MEIS1: variants seen among roughly 807,000 people sequenced by gnomAD.
MEIS1 encodes Meis homeobox 1.
A neutral mutation model predicts 50.8 loss-of-function variants in MEIS1; 5 were observed. The observed-to-expected ratio is 0.10, with a 90% confidence interval of 0.05 to 0.21. The LOEUF is 0.21. Among genes scored for constraint, MEIS1 ranks in the 10% least tolerant of loss-of-function variants. MEIS1 has a pLI of 1.00. For synonymous variants in MEIS1, 176 were observed against 179.3 expected (o/e 0.98, Z 0.15); for missense variants, 318 against 517.3 (o/e 0.61, Z 3.74).
At chr2:66,463,843 GA>G (rs1323727384) in intron 6 of MEIS1, among the ~76,000 whole-genome samples, 1 of 152,170 alleles carries the variant, frequency 6.6e-6, no homozygotes, top group African/African-American at 2.4e-5. Flanking sequence ...TCTTTGCCTG[GA>G]ATGTTTTTGT....
intron 8 of MEIS1, among the ~76,000 whole-genome samples, chr2:66,531,454 G>T (rs1054297014): frequency 6.6e-6 from 1 of 152,134 alleles, no homozygotes; most frequent in Non-Finnish European, 1.5e-5. Context: ...TAAATAAAGG[G>T]CTCAGTAGTC....
chr2:66,541,797 G>A (rs1674658966), intron 8 of MEIS1, among the ~76,000 whole-genome samples: 2 of 152,214 alleles, frequency 1.3e-5, no homozygotes, highest in Non-Finnish European at 1.5e-5. Flanking sequence ...GTGCGAGGAT[G>A]CAGGACTCAA....
chr2:66,507,043 GA>G (rs1558543157), intron 7 of MEIS1, among the ~76,000 whole-genome samples: 1 of 152,086 alleles, frequency 6.6e-6, no homozygotes, highest in Non-Finnish European at 1.5e-5. Context: ...ACATGCAAGA[GA>G]AAAAAGAAAC....
At chr2:66,459,015 T>C (rs578129035) in intron 6 of MEIS1, among the ~76,000 whole-genome samples, 1 of 152,256 alleles carries the variant, frequency 6.6e-6, no homozygotes, top group Admixed American at 6.5e-5. Flanking sequence ...TAGTGTAGAA[T>C]TGTAGACAGG....
chr2:66,486,366 A>G (rs1673143073), intron 7 of MEIS1, among the ~76,000 whole-genome samples: 1 of 152,148 alleles, frequency 6.6e-6, no homozygotes, highest in Admixed American at 6.5e-5. Flanking sequence ...TTCTTTCCCC[A>G]CTGCTTGTTT....
intron 8 of MEIS1, among the ~76,000 whole-genome samples, chr2:66,527,158 T>C: frequency 6.6e-6 from 1 of 152,340 alleles, no homozygotes; most frequent in Non-Finnish European, 1.5e-5. Flanking sequence ...TAAAAGATTA[T>C]TAATTGTTAT....
chr2:66,571,469 A>C lies in MEIS1; in HGVS notation c.*261A>C. The stretch of plus-strand genomic sequence containing the variant: ...TGCCAATGTCAGCATCAAGCCCCAC[A>C]GTTCTTAATACAGGAGACCCAACAA... On this transcript the variant is annotated 3_prime_UTR_variant, in exon 13 of 13. Transcript: ENST00000272369. 1 of 1,598,190 alleles carries C rather than the reference A, an allele frequency of 6.3e-7. No individual in the cohort carries two copies. The highest frequency in any genetic ancestry group is 8.5e-7 in the Non-Finnish European group (1 of 1,172,534).
At chr2:66,484,065 A>C (rs1224704420) in intron 7 of MEIS1, among the ~76,000 whole-genome samples, 1 of 152,232 alleles carries the variant, frequency 6.6e-6, no homozygotes, top group East Asian at 1.9e-4. Flanking sequence ...CAAGTATTCC[A>C]GATATCTTGA....
At chr2:66,545,054 G>GA (rs1389750800) in intron 8 of MEIS1, among the ~76,000 whole-genome samples, 1 of 152,052 alleles carries the variant, frequency 6.6e-6, no homozygotes, top group Admixed American at 6.6e-5. Flanking sequence ...GAAAATACAG[G>GA]AAAATAAATT....
chr2:66,556,603 A>G (rs1009358640), intron 9 of MEIS1, among the ~76,000 whole-genome samples: 1 of 151,726 alleles, frequency 6.6e-6, no homozygotes, highest in African/African-American at 2.4e-5. Flanking sequence ...TTACTCTAGG[A>G]TGCTAACTAA....
intron 7 of MEIS1, among the ~76,000 whole-genome samples, chr2:66,501,827 A>G (rs757952350): frequency 6.6e-5 from 10 of 152,172 alleles, no homozygotes; most frequent in Admixed American, 1.3e-4. Context: ...AAAGTCTGCT[A>G]TCTTCCTTTA....
intron 1 of MEIS1, among the ~76,000 whole-genome samples, chr2:66,436,738 T>C (rs901723466): frequency 4.6e-5 from 7 of 152,220 alleles, no homozygotes; most frequent in African/African-American, 1.4e-4. Context: ...TGGCAATTCC[T>C]CCTTTCTTTG....
At chr2:66,526,151 T>C (rs1674246002) in intron 8 of MEIS1, among the ~76,000 whole-genome samples, 1 of 152,230 alleles carries the variant, frequency 6.6e-6, no homozygotes, top group Non-Finnish European at 1.5e-5. Context: ...CTGAAAAGTA[T>C]ATTTCCTCCA....
intron 8 of MEIS1, among the ~76,000 whole-genome samples, chr2:66,518,014 C>G (rs1674011505): frequency 1.3e-5 from 2 of 152,196 alleles, no homozygotes; most frequent in African/African-American, 4.8e-5. Context: ...CATTGTTGCC[C>G]CAGAGGCCAT....
At chr2:66,493,035 C>T (rs1353825308) in intron 7 of MEIS1, among the ~76,000 whole-genome samples, 3 of 152,136 alleles carry the variant, frequency 2.0e-5, no homozygotes, top group African/African-American at 7.2e-5. Context: ...GAGGGGCGGA[C>T]TTTGGGACCA....
intron 6 of MEIS1, among the ~76,000 whole-genome samples, chr2:66,445,735 G>C (rs1469970892): frequency 6.6e-6 from 1 of 152,192 alleles, no homozygotes; most frequent in Non-Finnish European, 1.5e-5. Flanking sequence ...CGACGACTTT[G>C]ATACTAGGCG....
intron 6 of MEIS1, among the ~76,000 whole-genome samples, chr2:66,450,293 T>G (rs1423092369): frequency 6.6e-6 from 1 of 152,118 alleles, no homozygotes; most frequent in Non-Finnish European, 1.5e-5. Context: ...TAAACAACCT[T>G]GAGTGTGTAA....
At chr2:66,436,838 C>T (rs1671808429) in intron 1 of MEIS1, 1 of 970,342 alleles carries the variant, frequency 1.0e-6, no homozygotes, top group African/African-American at 1.8e-5. Context: ...CTAAATTTCA[C>T]ACACACAAAA....
At chr2:66,519,741 G>A (rs1466461284) in intron 8 of MEIS1, among the ~76,000 whole-genome samples, 2 of 152,140 alleles carry the variant, frequency 1.3e-5, no homozygotes, top group East Asian at 3.9e-4. Context: ...TGTTATGAAG[G>A]CCAACATCCT....
Sources: allele counts gnomAD v4.1 joint callset (sites outside exome capture counted in the v4.1 genomes callset), GRCh38; gene constraint gnomAD v4.1.1; transcripts MANE v1.5; gene names NCBI Gene and HGNC (gene_info 2026-07-23, HGNC 2026-07-21).